The following SUMF1 variants were observed in gnomAD, a reference collection of about 807,000 sequenced individuals.
SUMF1 encodes the protein sulfatase modifying factor 1, also known as formylglycine-generating enzyme.
A neutral mutation model predicts 47.6 loss-of-function variants in SUMF1; 48 were observed. That is an observed-to-expected ratio of 1.01 (90% CI 0.80 to 1.28). SUMF1 has a LOEUF of 1.28. Ranked by LOEUF, SUMF1 falls within the 50% of genes most tolerant of loss-of-function variation. SUMF1 has a pLI of 0.00. For synonymous variants in SUMF1, 230 were observed against 192.1 expected, an observed-to-expected ratio of 1.20 and a Z score of -1.63; for missense variants, 571 against 485.4, an observed-to-expected ratio of 1.18 and a Z score of -1.66.
At chr3:4,078,102 C>G (rs200335683) in intron 8 of SUMF1, among the ~76,000 whole-genome samples, 1 of 152,052 alleles carries the variant, frequency 6.6e-6, no homozygotes, top group East Asian at 1.9e-4. Flanking sequence ...TAATAGCAGA[C>G]ACTACTGATT....
At chr3:4,223,133 C>T (rs565729012) in intron 8 of SUMF1, among the ~76,000 whole-genome samples, 1 of 152,068 alleles carries the variant, frequency 6.6e-6, no homozygotes, top group African/African-American at 2.4e-5. Flanking sequence ...AAATACCTGA[C>T]AAATAGAATA....
chr3:4,199,580 A>G (rs767287334), intron 8 of SUMF1, among the ~76,000 whole-genome samples: 3 of 152,102 alleles, frequency 2.0e-5, no homozygotes, highest in Non-Finnish European at 4.4e-5. Flanking sequence ...ATCATTTTCC[A>G]TTTCCATCAG....
intron 9 of SUMF1, among the ~76,000 whole-genome samples, chr3:4,065,345 C>A (rs1337529588): frequency 6.6e-6 from 1 of 152,050 alleles, no homozygotes; most frequent in Admixed American, 6.6e-5. Context: ...AAACCAAAGG[C>A]CTAGAGCCTG....
intron 9 of SUMF1, among the ~76,000 whole-genome samples, chr3:4,036,318 C>T (rs976982759): frequency 6.6e-6 from 1 of 152,154 alleles, no homozygotes; most frequent in African/African-American, 2.4e-5. Flanking sequence ...TTTAGAGCTC[C>T]TATAAACTGT....
At chr3:4,182,352 G>T (rs1695114309) in intron 8 of SUMF1, among the ~76,000 whole-genome samples, 1 of 150,914 alleles carries the variant, frequency 6.6e-6, no homozygotes, top group Non-Finnish European at 1.5e-5. Flanking sequence ...ATCTGTGCAT[G>T]ATAAATCCAA....
At chr3:4,276,380 A>G (rs1575045344) in intron 8 of SUMF1, among the ~76,000 whole-genome samples, 1 of 134,028 alleles carries the variant, frequency 7.5e-6, no homozygotes, top group Non-Finnish European at 1.7e-5. Flanking sequence ...AAATATAACT[A>G]TCTTTTACTA....
At chr3:4,093,255 T>C (rs1692826135) in intron 8 of SUMF1, among the ~76,000 whole-genome samples, 1 of 152,134 alleles carries the variant, frequency 6.6e-6, no homozygotes, top group African/African-American at 2.4e-5. Context: ...AAAGCTTTAG[T>C]CATAATTGAT....
At chr3:4,100,389 G>A (rs1007113686) in intron 8 of SUMF1, among the ~76,000 whole-genome samples, 6 of 151,832 alleles carry the variant, frequency 4.0e-5, no homozygotes, top group Non-Finnish European at 2.9e-5. Context: ...AAACCCACAC[G>A]TCTACAGTCA....
At chr3:4,246,345 T>C (rs1696670289) in intron 8 of SUMF1, among the ~76,000 whole-genome samples, 1 of 152,108 alleles carries the variant, frequency 6.6e-6, no homozygotes, top group South Asian at 2.1e-4. Context: ...TCTGTGTCAA[T>C]CTCGCTGGGA....
chr3:4,283,451 G>GTA (rs1479656778), intron 8 of SUMF1, among the ~76,000 whole-genome samples: 1 of 152,068 alleles, frequency 6.6e-6, no homozygotes, highest in African/African-American at 2.4e-5. Context: ...ATTTCATTAA[G>GTA]TATTTGCCTT....
rs181627836 is a variant in SUMF1, at chr3:4,193,567, T to C, written c.1015-124822A>G. Among the ~76,000 whole-genome samples the C allele has an allele frequency of 9.0e-4, 137 of 152,234 alleles. 1 individual carries two copies. The highest frequency in any genetic ancestry group is 6.1e-3 in the Admixed American group (93 of 15,272). On this transcript the variant is annotated intron_variant and NMD_transcript_variant, in intron 8 of 12. Transcript: ENST00000448413. ...CTCCATGTACTCAGCATCAGAATTG[T>C]ATTACAGCATTATGGTAATAAAAAT...
At chr3:4,101,379 A>G (rs1045503924) in intron 8 of SUMF1, among the ~76,000 whole-genome samples, 3 of 152,158 alleles carry the variant, frequency 2.0e-5, no homozygotes, top group African/African-American at 7.2e-5. Context: ...CATTATATTA[A>G]GTAAAATAAG....
chr3:4,148,376 G>T (rs967198640), intron 8 of SUMF1, among the ~76,000 whole-genome samples: 1 of 152,066 alleles, frequency 6.6e-6, no homozygotes, highest in Non-Finnish European at 1.5e-5. Flanking sequence ...TTAGTAGGTG[G>T]AAAATAAGCA....
intron 8 of SUMF1, among the ~76,000 whole-genome samples, chr3:4,090,982 G>A (rs1199491668): frequency 1.3e-5 from 2 of 151,914 alleles, no homozygotes; most frequent in South Asian, 2.1e-4. Context: ...TTGGGAGGCT[G>A]AGGCAGGAGA....
chr3:4,114,176 C>G (rs1693372069), intron 8 of SUMF1, among the ~76,000 whole-genome samples: 1 of 152,014 alleles, frequency 6.6e-6, no homozygotes, highest in African/African-American at 2.4e-5. Context: ...ACTTTCTGAT[C>G]CAGGACAGAT....
rs983610687 is a variant in SUMF1 at position 4,142,983 on chromosome 3, G to T, written c.1015-74238C>A. 1.2e-4 allele frequency among the ~76,000 whole-genome samples: 19 copies of T among 152,062 alleles called. 1 individual carries two copies. Among genetic ancestry groups the T allele is most frequent in the Non-Finnish European group, 2.9e-5 (2 of 68,016 alleles). ...CTCAATCAATAGAAATGTGAAAGCA[G>T]TCACCTCCAAGACAAAGAATACTCT... On this transcript the variant is annotated intron_variant and NMD_transcript_variant, in intron 8 of 12. Coordinates refer to the SUMF1 transcript ENST00000448413.
intron 8 of SUMF1, among the ~76,000 whole-genome samples, chr3:4,165,216 T>C (rs955812399): frequency 6.6e-6 from 1 of 152,170 alleles, no homozygotes; most frequent in African/African-American, 2.4e-5. Context: ...GATCTAACAA[T>C]AGCATGACGT....
intron 8 of SUMF1, among the ~76,000 whole-genome samples, chr3:4,348,697 T>C (rs1699424186): frequency 6.8e-6 from 1 of 146,838 alleles, no homozygotes; most frequent in Non-Finnish European, 1.5e-5. Context: ...AAATGCTGTC[T>C]CTACTAAAAA....
intron 8 of SUMF1, among the ~76,000 whole-genome samples, chr3:4,312,354 G>A (rs898822206): frequency 6.6e-6 from 1 of 152,048 alleles, no homozygotes; most frequent in African/African-American, 2.4e-5. Context: ...AAAGATAAGA[G>A]GGAAACAAAA....
Sources: gnomAD v4.1 joint callset for allele counts (sites outside exome capture counted in the v4.1 genomes callset) on GRCh38, gnomAD v4.1.1 for gene constraint, MANE v1.5 for transcripts, NCBI Gene and HGNC (gene_info 2026-07-23, HGNC 2026-07-21) for gene names.